The following CTNNA3 variants were observed in gnomAD, a reference collection of about 807,000 sequenced individuals.
The protein encoded by CTNNA3 is catenin alpha-3.
CTNNA3 carries 76 observed loss-of-function variants against 95.7 expected under a neutral mutation model. The observed-to-expected ratio is 0.79, with a 90% CI of 0.66 to 0.96. CTNNA3 has a LOEUF of 0.96. Ranked by LOEUF, CTNNA3 falls within the 40% of genes least tolerant of loss-of-function variation. The pLI, the probability that CTNNA3 is intolerant of heterozygous loss-of-function variation, is 0.00. For synonymous variants in CTNNA3, 431 were observed against 374.4 expected (o/e 1.15, Z -1.74); for missense variants, 1,191 against 1,089.8 (o/e 1.09, Z -1.31).
chr10:66,404,070 G>A (rs2093039197), intron 11 of CTNNA3, among the ~76,000 whole-genome samples: 2 of 152,060 alleles, frequency 1.3e-5, no homozygotes. Context: ...CACTACTGTA[G>A]AACCTCAGAT....
chr10:66,385,487 T>C (rs1425893442), intron 11 of CTNNA3, among the ~76,000 whole-genome samples: 1 of 152,074 alleles, frequency 6.6e-6, no homozygotes, highest in Non-Finnish European at 1.5e-5. Context: ...ACCAGAAGGA[T>C]TCACAGCCAA....
intron 9 of CTNNA3, among the ~76,000 whole-genome samples, chr10:66,645,228 AT>A (rs1353501449): frequency 6.6e-6 from 1 of 152,096 alleles, no homozygotes; most frequent in Admixed American, 6.6e-5. Flanking sequence ...TAATTCATCA[AT>A]TTTTTAAATT....
At chr10:67,490,157 T>A (rs922702357) in intron 5 of CTNNA3, among the ~76,000 whole-genome samples, 4 of 152,212 alleles carry the variant, frequency 2.6e-5, no homozygotes, top group Non-Finnish European at 5.9e-5. Context: ...CTATTTCTCT[T>A]AATGTTAAGC....
At chr10:67,486,174 A>G (rs773702857) in intron 5 of CTNNA3, among the ~76,000 whole-genome samples, 1 of 152,190 alleles carries the variant, frequency 6.6e-6, no homozygotes, top group Non-Finnish European at 1.5e-5. Flanking sequence ...GAGACTGTCC[A>G]TGCCCTGGGA....
At chr10:67,368,830 A>C in intron 5 of CTNNA3, among the ~76,000 whole-genome samples, 1 of 152,236 alleles carries the variant, frequency 6.6e-6, no homozygotes, top group African/African-American at 2.4e-5. Flanking sequence ...GACATAAAGC[A>C]GATCAGTGGT....
chr10:67,618,336 C>A (rs924314165), intron 2 of CTNNA3, among the ~76,000 whole-genome samples: 2 of 152,174 alleles, frequency 1.3e-5, no homozygotes, highest in East Asian at 3.8e-4. Flanking sequence ...CCACTTCCAG[C>A]AGTGACTGAT....
intron 17 of CTNNA3, among the ~76,000 whole-genome samples, chr10:65,936,401 G>T (rs1016418336): frequency 1.3e-5 from 2 of 151,844 alleles, no homozygotes; most frequent in African/African-American, 4.8e-5. Context: ...GCTATAAAAG[G>T]GGTCTAGAAG....
At chr10:67,013,638 T>C (rs1852476412) in intron 7 of CTNNA3, among the ~76,000 whole-genome samples, 1 of 152,172 alleles carries the variant, frequency 6.6e-6, no homozygotes, top group Admixed American at 6.5e-5. Context: ...ACAAAAGTAT[T>C]AAAAGTATTA....
intron 15 of CTNNA3, among the ~76,000 whole-genome samples, chr10:66,000,305 C>T (rs944624637): frequency 6.6e-6 from 1 of 151,910 alleles, no homozygotes; most frequent in African/African-American, 2.4e-5. Context: ...GGCATTCATT[C>T]TCCTTCCTCC....
intron 5 of CTNNA3, among the ~76,000 whole-genome samples, chr10:67,395,947 CCTAT>C (rs1306367591): frequency 1.3e-5 from 2 of 151,940 alleles, no homozygotes; most frequent in African/African-American, 4.8e-5. Flanking sequence ...TATTAAGCTG[CCTAT>C]CTATGTATAT....
intron 1 of CTNNA3, among the ~76,000 whole-genome samples, chr10:67,676,915 G>C (rs7903361): frequency 6.6e-6 from 1 of 151,328 alleles, no homozygotes; most frequent in Non-Finnish European, 1.5e-5. Context: ...AGGCCACAAG[G>C]GGGGTTCTAG....
chr10:67,445,853 A>G (rs1349244330), intron 5 of CTNNA3, among the ~76,000 whole-genome samples: 3 of 152,198 alleles, frequency 2.0e-5, no homozygotes, highest in African/African-American at 7.2e-5. Context: ...ATCATCTTGC[A>G]CTGCAATAAC....
At chr10:66,100,209 C>T (rs2133731314) in intron 14 of CTNNA3, among the ~76,000 whole-genome samples, 1 of 152,136 alleles carries the variant, frequency 6.6e-6, no homozygotes, top group Admixed American at 6.6e-5. Context: ...CTACTGGGGA[C>T]CCTTTCAGGT....
chr10:66,952,663 A>C (rs1269468719), intron 7 of CTNNA3, among the ~76,000 whole-genome samples: 1 of 152,064 alleles, frequency 6.6e-6, no homozygotes, highest in African/African-American at 2.4e-5. Flanking sequence ...ATAGTCAGGT[A>C]AATTGAGGAT....
At chr10:67,690,372 G>A (rs1255261735) in intron 1 of CTNNA3, among the ~76,000 whole-genome samples, 1 of 152,186 alleles carries the variant, frequency 6.6e-6, no homozygotes, top group South Asian at 2.1e-4. Flanking sequence ...CTTCCACAGT[G>A]TGGAAGGGGA....
rs71466882 is a variant in CTNNA3, at chr10:66,479,950, T to TCACACACACA, written c.1531+40657_1531+40666dup. ...AAGATAATTAAAAATACCAAAGCAT[T>TCACACACACA]CACACACACACACACACACACACAC... On this transcript the variant is annotated intron_variant, in intron 11 of 17. Transcript: ENST00000433211. 6.0e-3 allele frequency among the ~76,000 whole-genome samples: 866 copies of TCACACACACA among 145,430 alleles called. 7 individuals carry two copies. Among genetic ancestry groups the TCACACACACA allele is most frequent in the South Asian group, 0.018 (82 of 4,580 alleles).
chr10:66,085,211 T>G (rs761004175), intron 14 of CTNNA3, among the ~76,000 whole-genome samples: 35 of 152,146 alleles, frequency 2.3e-4, no homozygotes, highest in Non-Finnish European at 4.7e-4. Context: ...AAACAATATA[T>G]TTTCATTCAG....
intron 13 of CTNNA3, among the ~76,000 whole-genome samples, chr10:66,196,483 T>C (rs564578174): frequency 6.6e-5 from 10 of 152,296 alleles, no homozygotes; most frequent in Admixed American, 6.5e-4. Context: ...AGAAACTCCA[T>C]GCCTCTGTAT....
intron 11 of CTNNA3, among the ~76,000 whole-genome samples, chr10:66,433,204 G>C (rs1012889762): frequency 6.6e-6 from 1 of 152,130 alleles, no homozygotes; most frequent in African/African-American, 2.4e-5. Context: ...TCTGGTTTTA[G>C]ATCCCTGAGG....
Sources: gnomAD v4.1 joint callset for allele counts (sites outside exome capture counted in the v4.1 genomes callset) on GRCh38, gnomAD v4.1.1 for gene constraint, MANE v1.5 for transcripts, NCBI Gene and HGNC (gene_info 2026-07-23, HGNC 2026-07-21) for gene names.